Variants in ALG8 observed in about 807,000 individuals in gnomAD.
ALG8 encodes ALG8 alpha-1,3-glucosyltransferase, also known as dolichyl pyrophosphate Glc1Man9GlcNAc2 alpha-1,3-glucosyltransferase.
A neutral mutation model predicts 70.2 loss-of-function variants in ALG8; 48 were observed. That is an observed-to-expected ratio of 0.68 (90% CI 0.54 to 0.87). The LOEUF is 0.87. ALG8 is among the 40% of genes least tolerant of loss of function. The probability of loss-of-function intolerance (pLI) is 0.00; values close to 1 mark genes in which losing one functional copy is unlikely to be tolerated. For synonymous variants in ALG8, 234 were observed against 229.0 expected, an observed-to-expected ratio of 1.02 and a Z score of -0.20; for missense variants, 572 against 608.7, an observed-to-expected ratio of 0.94 and a Z score of 0.64.
chr11:78,139,407 A>G, intron 1 of ALG8, 87 bp downstream of exon 1: 1 of 1,306,950 alleles, frequency 7.7e-7, no homozygotes, highest in Non-Finnish European at 1.1e-6. Flanking sequence ...TTTTCTCTTC[A>G]TACCCAGGGA....
Position 78,104,003 on chromosome 11 carries a change from A to T in ALG8, c.1326T>A (p.Ile442=), listed in dbSNP as rs1859911809. 1 of 1,500,878 alleles carries T rather than the reference A, an allele frequency of 6.7e-7. No homozygotes were observed. The highest frequency in any genetic ancestry group is 1.4e-5 in the African/African-American group (1 of 72,578). 93.0% of individuals were successfully genotyped at this position (1,500,878 alleles called of 1,614,324 possible). The change falls in exon 12 of 13, where the codon ATT becomes ATA. Residue 442 remains isoleucine, a synonymous_variant. Transcript: ENST00000299626. ...LLMLLFTIYS[I]SSLKTLFRKE... ...ACCTGAATAAAGTCTTCAGTGACGA[A>T]ATACTATATATGGTGAATAGTAACA...
chr11:78,119,219 A>T lies in ALG8; in HGVS notation c.509T>A (p.Phe170Tyr). The T allele has an allele frequency of 1.2e-6, 2 of 1,612,262 alleles. No individual in the cohort carries two copies. Among genetic ancestry groups the T allele is most frequent in the Non-Finnish European group, 1.7e-6 (2 of 1,178,428 alleles). Residue 170 changes from phenylalanine (F) to tyrosine (Y), a missense_variant, in exon 5 of 13, where the codon TTT becomes TAT. Phe to Tyr is a conservative substitution (Grantham distance 22, BLOSUM62 3). Coordinates refer to ENST00000299626, the MANE Select transcript of ALG8 (RefSeq NM_024079.5). ...HIHFQYNGFL[F>Y]GLMLLSIARL... ...TGCAATGGAGAGTAGCATTAATCCA[A>T]ATAAAAAGCCATTGTACTGAAAATG...
intron 8 of ALG8, among the ~76,000 whole-genome samples, chr11:78,111,656 ACACT>A (rs56251769): frequency 0.13 from 19,701 of 152,118 alleles, 1,450 homozygotes; most frequent in East Asian, 0.28. Context: ...ACACACACAC[ACACT>A]GTGTGTGGCC....
At chr11:78,119,097 T>G in intron 5 of ALG8, 85 bp downstream of exon 5, 1 of 1,037,174 alleles carries the variant, frequency 9.6e-7, no homozygotes, top group Non-Finnish European at 1.5e-6. Flanking sequence ...TCAAATAAAT[T>G]TACCTATCAC....
In ALG8 at chr11:78,114,231, T is replaced by C. The variant is rs767435809; in HGVS notation, c.673+35A>G. On this transcript the variant is annotated intron_variant, in intron 6 of 12. Transcript: ENST00000299626. Reference sequence around the variant, plus strand: ...CCAAGTCAACACAGTAAGGGAAAAATCGAAAATGTTTTTGCTATTATTACC... The same window carrying C: ...CCAAGTCAACACAGTAAGGGAAAAACCGAAAATGTTTTTGCTATTATTACC... The C allele has an allele frequency of 2.5e-6, 4 of 1,613,320 alleles. No individual in the cohort carries two copies. In the South Asian group the frequency reaches 4.4e-5, roughly 18 times the overall value.
intron 12 of ALG8, 107 bp from the exon 13 acceptor site, chr11:78,101,302 T>C: frequency 1.1e-6 from 1 of 924,576 alleles, no homozygotes; most frequent in Non-Finnish European, 1.7e-6. Context: ...TGTCAATTAT[T>C]ATAGCCAAGG....
At chr11:78,117,208 G>A (rs1860614320) in intron 5 of ALG8, among the ~76,000 whole-genome samples, 1 of 152,122 alleles carries the variant, frequency 6.6e-6, no homozygotes, top group Admixed American at 6.6e-5. Context: ...ATGAGGCTAG[G>A]AGGGTTAAAT....
At chr11:78,116,731 A>G (rs1252540162) in intron 5 of ALG8, among the ~76,000 whole-genome samples, 1 of 152,122 alleles carries the variant, frequency 6.6e-6, no homozygotes, top group Non-Finnish European at 1.5e-5. Context: ...AAAAAAAAAG[A>G]AAGTCTGAAA....
At chr11:78,114,023 G>T in intron 6 of ALG8, 34 bp from the exon 7 acceptor site, 1 of 1,542,238 alleles carries the variant, frequency 6.5e-7, no homozygotes, top group Non-Finnish European at 8.9e-7. Flanking sequence ...TAACCAGGAA[G>T]ATGGAAAGGA....
intron 10 of ALG8, among the ~76,000 whole-genome samples, chr11:78,106,029 G>A (rs772360589): frequency 2.2e-4 from 34 of 152,178 alleles, no homozygotes; most frequent in Non-Finnish European, 1.8e-4. Flanking sequence ...AGATTATTGT[G>A]AGGCGCAAAA....
intron 3 of ALG8, 54 bp downstream of exon 3, chr11:78,123,967 C>T: frequency 6.4e-7 from 1 of 1,569,676 alleles, no homozygotes; most frequent in African/African-American, 1.3e-5. Flanking sequence ...TACTACTTAA[C>T]ACTGTACTAT....
intron 1 of ALG8, among the ~76,000 whole-genome samples, chr11:78,129,236 T>G (rs1467325436): frequency 1.3e-5 from 2 of 151,756 alleles, no homozygotes; most frequent in Non-Finnish European, 2.9e-5. Context: ...CTGGCTAACA[T>G]GGTGAAACCC....
chr11:78,122,816 T>C (rs1296902182), intron 3 of ALG8, among the ~76,000 whole-genome samples: 2 of 151,892 alleles, frequency 1.3e-5, no homozygotes, highest in Non-Finnish European at 2.9e-5. Context: ...CATAAACAGA[T>C]TGAAAGGAAG....
In ALG8 at chr11:78,119,931, G is replaced by A. The variant is rs539677267; in HGVS notation, c.479-682C>T. ...AGCCTGGTTAACATGGCAAACCCCC[G>A]TCTCTACCGAAAATACAAAACTTAG... is the stretch of plus-strand genomic sequence containing the variant. On this transcript the variant is annotated intron_variant, in intron 4 of 12. Transcript: ENST00000299626. Among the ~76,000 whole-genome samples, 59 of 151,868 alleles carry A rather than the reference G, an allele frequency of 3.9e-4. No homozygotes were observed. The South Asian group carries it at 7.7e-3, about 20-fold the overall frequency.
chr11:78,131,082 T>C (rs1263374527), intron 1 of ALG8, among the ~76,000 whole-genome samples: 1 of 151,696 alleles, frequency 6.6e-6, no homozygotes, highest in African/African-American at 2.4e-5. Context: ...ATAGTTGTAC[T>C]ATATAGACTT....
At chr11:78,136,319 C>A (rs1047794166) in intron 1 of ALG8, among the ~76,000 whole-genome samples, 52 of 146,386 alleles carry the variant, frequency 3.6e-4, no homozygotes, top group Middle Eastern at 3.5e-3. Context: ...AAAAAAAAAA[C>A]AAACCAAAAC....
intron 4 of ALG8, among the ~76,000 whole-genome samples, chr11:78,119,617 G>C (rs149974321): frequency 0.018 from 2,796 of 152,040 alleles, 95 homozygotes; most frequent in African/African-American, 0.064. Flanking sequence ...TTTTAGTAGA[G>C]ACGGGGTTTC....
chr11:78,102,156 C>T (rs1476905827), intron 12 of ALG8, among the ~76,000 whole-genome samples: 4 of 152,110 alleles, frequency 2.6e-5, no homozygotes, highest in African/African-American at 9.7e-5. Context: ...ATAATATGCG[C>T]CCATCGCCAC....
chr11:78,119,708 C>T (rs1174096179), intron 4 of ALG8, among the ~76,000 whole-genome samples: 2 of 152,134 alleles, frequency 1.3e-5, no homozygotes, highest in Admixed American at 6.5e-5. Flanking sequence ...GGATTACAGG[C>T]GTCAGCCACT....
Sources: allele counts gnomAD v4.1 joint callset (sites outside exome capture counted in the v4.1 genomes callset), GRCh38; gene constraint gnomAD v4.1.1; transcripts MANE v1.5; gene names NCBI Gene and HGNC (gene_info 2026-07-23, HGNC 2026-07-21).